MGAT5: variants seen among roughly 807,000 people sequenced by gnomAD.
MGAT5 encodes alpha-1,6-mannosylglycoprotein 6-beta-N-acetylglucosaminyltransferase, also known as alpha-1,6-mannosylglycoprotein 6-beta-N-acetylglucosaminyltransferase A.
A neutral mutation model predicts 94.3 loss-of-function variants in MGAT5; 30 were observed. The observed-to-expected ratio is 0.32, with a 90% CI of 0.24 to 0.43. MGAT5 has a LOEUF of 0.43. Among genes scored for constraint, MGAT5 ranks in the 20% least tolerant of loss-of-function variants. MGAT5 has a pLI of 1.00. For synonymous variants in MGAT5, 310 were observed against 322.9 expected, an observed-to-expected ratio of 0.96 and a Z score of 0.43; for missense variants, 691 against 905.5, an observed-to-expected ratio of 0.76 and a Z score of 3.04.
chr2:134,133,228 A>G (rs750053146), intron 1 of MGAT5, among the ~76,000 whole-genome samples: 11 of 152,256 alleles, frequency 7.2e-5, no homozygotes, highest in Non-Finnish European at 1.5e-4. Flanking sequence ...ATTTAGAGAC[A>G]TTAAATCATG....
intron 1 of MGAT5, among the ~76,000 whole-genome samples, chr2:134,175,241 T>C (rs1364045265): frequency 6.6e-6 from 1 of 152,238 alleles, no homozygotes; most frequent in Admixed American, 6.5e-5. Context: ...ATATTTCAAA[T>C]ATCCACACAA....
chr2:134,185,225 A>G (rs1688945856), intron 1 of MGAT5, among the ~76,000 whole-genome samples: 1 of 152,204 alleles, frequency 6.6e-6, no homozygotes, highest in Non-Finnish European at 1.5e-5. Flanking sequence ...TGAGTCCTTA[A>G]GAGCAGAGCC....
chr2:134,421,912 A>T (rs551629352), intron 12 of MGAT5, among the ~76,000 whole-genome samples: 1 of 152,098 alleles, frequency 6.6e-6, no homozygotes, highest in Non-Finnish European at 1.5e-5. Flanking sequence ...TTGTGCCTGT[A>T]ATCCCGGCAG....
intron 1 of MGAT5, among the ~76,000 whole-genome samples, chr2:134,201,556 G>T (rs191690956): frequency 6.6e-6 from 1 of 152,132 alleles, no homozygotes; most frequent in Non-Finnish European, 1.5e-5. Context: ...ACAGCACCGG[G>T]TCAGCTTGTG....
chr2:134,175,892 A>C (rs1439741065), intron 1 of MGAT5, among the ~76,000 whole-genome samples: 2 of 152,166 alleles, frequency 1.3e-5, no homozygotes, highest in African/African-American at 4.8e-5. Flanking sequence ...AGGTTAATTA[A>C]TGTGGGTAGG....
At chr2:134,400,393 T>C (rs1682971786) in intron 10 of MGAT5, among the ~76,000 whole-genome samples, 1 of 152,238 alleles carries the variant, frequency 6.6e-6, no homozygotes, top group African/African-American at 2.4e-5. Context: ...TTTATGAAAT[T>C]GGTAAATCCT....
intron 1 of MGAT5, among the ~76,000 whole-genome samples, chr2:134,136,602 TA>T (rs1024122111): frequency 2.0e-5 from 3 of 152,082 alleles, no homozygotes; most frequent in Admixed American, 6.5e-5. Flanking sequence ...TAAATAAATA[TA>T]AAAAATATTT....
intron 2 of MGAT5, among the ~76,000 whole-genome samples, chr2:134,274,124 T>TA (rs1684198415): frequency 6.6e-6 from 1 of 152,232 alleles, no homozygotes; most frequent in South Asian, 2.1e-4. Flanking sequence ...AAAGTATACA[T>TA]ATCTGATCAT....
At chr2:134,377,814 C>CG in intron 10 of MGAT5, among the ~76,000 whole-genome samples, 1 of 152,188 alleles carries the variant, frequency 6.6e-6, no homozygotes, top group Middle Eastern at 3.4e-3. Flanking sequence ...TCCTGTTAGC[C>CG]GGAGCAAAAG....
At chr2:134,186,478 A>T (rs1455997819) in intron 1 of MGAT5, among the ~76,000 whole-genome samples, 1 of 152,180 alleles carries the variant, frequency 6.6e-6, no homozygotes, top group African/African-American at 2.4e-5. Flanking sequence ...GAAATTCATC[A>T]ATTAAGGAGC....
At chr2:134,260,835 T>C (rs1683289172) in intron 1 of MGAT5, among the ~76,000 whole-genome samples, 1 of 151,968 alleles carries the variant, frequency 6.6e-6, no homozygotes, top group Admixed American at 6.6e-5. Context: ...AAAAAATAGC[T>C]GGGCTGTTCA....
chr2:134,194,163 A>G (rs1679380758), intron 1 of MGAT5, among the ~76,000 whole-genome samples: 1 of 152,182 alleles, frequency 6.6e-6, no homozygotes, highest in South Asian at 2.1e-4. Flanking sequence ...TTCTGGAATA[A>G]TTTCCTGTGA....
intron 1 of MGAT5, among the ~76,000 whole-genome samples, chr2:134,192,167 C>T (rs1228865998): frequency 6.6e-6 from 1 of 150,682 alleles, no homozygotes; most frequent in African/African-American, 2.4e-5. Flanking sequence ...CTAGTGGGTT[C>T]CTGATGAAAA....
intron 4 of MGAT5, among the ~76,000 whole-genome samples, chr2:134,328,753 G>T (rs1687787197): frequency 6.6e-6 from 1 of 151,964 alleles, no homozygotes; most frequent in Admixed American, 6.6e-5. Flanking sequence ...AATAAAATCA[G>T]TATATAAAAG....
At chr2:134,126,169 C>T (rs1234037704) in intron 1 of MGAT5, among the ~76,000 whole-genome samples, 1 of 152,236 alleles carries the variant, frequency 6.6e-6, no homozygotes, top group Non-Finnish European at 1.5e-5. Flanking sequence ...CACCCGTTTC[C>T]TTTCCTGCCC....
chr2:134,414,033 C>T (rs1289866215), intron 12 of MGAT5, among the ~76,000 whole-genome samples: 2 of 152,080 alleles, frequency 1.3e-5, no homozygotes, highest in Non-Finnish European at 2.9e-5. Context: ...CTGACCCTTC[C>T]TGTCATTGGT....
Position 134,338,344 on chromosome 2 carries a change from G to A in MGAT5, c.731G>A (p.Arg244Gln), listed in dbSNP as rs375806984. 31 of 1,613,118 alleles carry A rather than the reference G, an allele frequency of 1.9e-5. No individual in the cohort carries two copies. Among genetic ancestry groups the A allele is most frequent in the Non-Finnish European group, 2.5e-5 (29 of 1,179,464 alleles). The change falls in exon 6 of 16, where the codon CGA becomes CAA. Residue 244 changes from arginine to glutamine, a missense_variant. By Grantham distance (43) the Arg-to-Gln change is conservative. Around this residue, in one of 4 missense-constraint regions of MGAT5, gnomAD observed 307 missense variants for 335.4 expected, o/e 0.92. Coordinates refer to ENST00000281923, the MANE Select transcript of MGAT5 (RefSeq NM_002410.5). ...EFRWMRLRIR[R>Q]MADAWIQAIK... ...CGGTGGATGAGACTACGGATCCGGCGAATGGCTGACGCATGGATCCAAGCA... is the reference window on the plus strand; with the variant it reads ...CGGTGGATGAGACTACGGATCCGGCAAATGGCTGACGCATGGATCCAAGCA...
intron 1 of MGAT5, among the ~76,000 whole-genome samples, chr2:134,213,287 G>T (rs73009305): frequency 1.3e-5 from 2 of 152,032 alleles, no homozygotes; most frequent in African/African-American, 4.8e-5. Flanking sequence ...CTTTGCAAAC[G>T]TATTAAACAC....
At position 134,303,867 on chromosome 2, in the gene MGAT5, A is replaced by C. The variant is rs183893082; in HGVS notation, c.407-13662A>C. Among the ~76,000 whole-genome samples, 32 of 152,256 alleles carry C rather than the reference A, an allele frequency of 2.1e-4. 2 individuals are homozygous for C. The highest frequency in any genetic ancestry group is 6.8e-3 in the Middle Eastern group (2 of 294). ...GTGAGACTGTAGCCTTTTGTTTGCT[A>C]CCTTCCAGACTTGATAGTCCCCTCT... is the stretch of plus-strand genomic sequence containing the variant. On this transcript the variant is annotated intron_variant, in intron 2 of 15. Coordinates refer to ENST00000281923, the MANE Select transcript of MGAT5 (RefSeq NM_002410.5).
Sources: gnomAD v4.1 joint callset for allele counts (sites outside exome capture counted in the v4.1 genomes callset) on GRCh38, gnomAD v4.1.1 for gene constraint, gnomAD v4.1.1 regional missense constraint, MANE v1.5 for transcripts, NCBI Gene and HGNC (gene_info 2026-07-23, HGNC 2026-07-21) for gene names.